Variants in SLC38A11 observed in about 807,000 individuals in gnomAD.
The protein encoded by SLC38A11 is solute carrier family 38 member 11, also known as putative sodium-coupled neutral amino acid transporter 11.
SLC38A11 carries 51 observed loss-of-function variants against 49.4 expected under a neutral mutation model. The observed-to-expected ratio is 1.03, with a 90% CI of 0.83 to 1.30. The LOEUF (loss-of-function observed/expected upper bound fraction) is 1.30, where lower values mean the gene tolerates loss of function less well. Ranked by LOEUF, SLC38A11 falls within the 50% of genes most tolerant of loss-of-function variation. The probability of loss-of-function intolerance (pLI) is 0.00; values close to 1 mark genes in which losing one functional copy is unlikely to be tolerated. For synonymous variants in SLC38A11, 203 were observed against 192.9 expected, an observed-to-expected ratio of 1.05 and a Z score of -0.43; for missense variants, 574 against 556.2, an observed-to-expected ratio of 1.03 and a Z score of -0.32.
intron 3 of SLC38A11, among the ~76,000 whole-genome samples, chr2:164,947,777 T>G (rs977805100): frequency 1.3e-5 from 2 of 152,232 alleles, no homozygotes; most frequent in Admixed American, 6.5e-5. Context: ...CTGTGGTTAC[T>G]AAGTCTATTA....
chr2:164,918,260 G>A (rs1052674883), intron 7 of SLC38A11, among the ~76,000 whole-genome samples: 4 of 151,910 alleles, frequency 2.6e-5, no homozygotes, highest in African/African-American at 4.8e-5. Context: ...TTATGACTAC[G>A]AATATTTTTT....
At chr2:164,926,559 C>T (rs1049971626) in intron 7 of SLC38A11, among the ~76,000 whole-genome samples, 6 of 151,436 alleles carry the variant, frequency 4.0e-5, no homozygotes, top group Non-Finnish European at 8.8e-5. Flanking sequence ...AAGACACATG[C>T]ACACGTATGT....
intron 2 of SLC38A11, 191 bp from the exon 3 acceptor site, chr2:164,952,972 T>A: frequency 1.9e-6 from 1 of 521,410 alleles, no homozygotes; most frequent in Non-Finnish European, 3.4e-6. Flanking sequence ...AATAAAATGT[T>A]ATTAGCTTAG....
intron 10 of SLC38A11, among the ~76,000 whole-genome samples, chr2:164,909,814 C>A (rs1479441433): frequency 6.6e-6 from 1 of 152,026 alleles, no homozygotes; most frequent in African/African-American, 2.4e-5. Context: ...AAGAAGCCAT[C>A]TCTCTAAGCT....
chr2:164,914,832 C>T (rs1245515019), intron 9 of SLC38A11, among the ~76,000 whole-genome samples: 2 of 151,740 alleles, frequency 1.3e-5, no homozygotes, highest in Non-Finnish European at 2.9e-5. Context: ...GCCACTGGTA[C>T]CTTTGAAAAT....
chr2:164,951,158 G>A (rs1410109182), intron 3 of SLC38A11, among the ~76,000 whole-genome samples: 1 of 152,052 alleles, frequency 6.6e-6, no homozygotes, highest in Non-Finnish European at 1.5e-5. Context: ...AATACGACTT[G>A]GCTTTAGTAT....
chr2:164,925,661 G>A (rs1019841003), intron 7 of SLC38A11, among the ~76,000 whole-genome samples: 7 of 152,066 alleles, frequency 4.6e-5, no homozygotes, highest in African/African-American at 1.4e-4. Context: ...AAAGAAGGTA[G>A]ACCTCTGTAT....
rs1351365035 is a variant in SLC38A11, at chr2:164,894,608, C to A, written c.*3829G>T. 3.3e-5 allele frequency among the ~76,000 whole-genome samples: 5 copies of A among 152,088 alleles called. No homozygotes were observed. Among genetic ancestry groups the A allele is most frequent in the Non-Finnish European group, 5.9e-5 (4 of 68,016 alleles). ...AATGGCAGCCATGAAACTCAGGTAA[C>A]CTTCCCTGAGTGCTGGCAGGCTCAG... On this transcript the variant is annotated 3_prime_UTR_variant, in exon 12 of 12. Coordinates refer to ENST00000685975, the MANE Select transcript of SLC38A11 (RefSeq NM_001351537.2).
At chr2:164,941,568 A>G (rs1329395569) in intron 5 of SLC38A11, among the ~76,000 whole-genome samples, 2 of 152,166 alleles carry the variant, frequency 1.3e-5, no homozygotes, top group African/African-American at 4.8e-5. Context: ...TTAAAAAGTC[A>G]TTTTTGATTA....
chr2:164,951,759 A>T (rs980789250), intron 3 of SLC38A11, among the ~76,000 whole-genome samples: 16 of 152,152 alleles, frequency 1.1e-4, no homozygotes, highest in Non-Finnish European at 2.4e-4. Flanking sequence ...AAGGGGAATG[A>T]GAGGACAGGG....
chr2:164,898,862 A>G, intron 11 of SLC38A11, 132 bp from the exon 12 acceptor site: 1 of 756,908 alleles, frequency 1.3e-6, no homozygotes, highest in Non-Finnish European at 2.1e-6. Flanking sequence ...TGAATCAAAC[A>G]AAGGGAGGAA....
Position 164,898,653 on chromosome 2 carries a change from T to C in SLC38A11, c.1173A>G (p.Thr391=), listed in dbSNP as rs113360840. 1 of 1,613,558 alleles carries C rather than the reference T, an allele frequency of 6.2e-7. No homozygotes were observed. Among genetic ancestry groups the C allele is most frequent in the Non-Finnish European group, 8.5e-7 (1 of 1,179,684 alleles). ...CACAAGACATAATCTTATCGGAGTGTGTCCTTGGTTCTTCAGACAGTTTCA... is the reference window on the plus strand; with the variant it reads ...CACAAGACATAATCTTATCGGAGTGCGTCCTTGGTTCTTCAGACAGTTTCA... ...CYLKLSEEPR[T]HSDKIMSCVM... Residue 391 remains threonine (T), a synonymous_variant, in exon 12 of 12, where the codon ACA becomes ACG. Coordinates refer to ENST00000685975, the MANE Select transcript of SLC38A11 (RefSeq NM_001351537.2).
At chr2:164,935,477 C>A in intron 7 of SLC38A11, among the ~76,000 whole-genome samples, 1 of 141,900 alleles carries the variant, frequency 7.0e-6, no homozygotes, top group South Asian at 2.2e-4. Context: ...TGAGGCTGGC[C>A]TGGGCAACAT....
chr2:164,932,941 C>T (rs1687108303), intron 7 of SLC38A11, among the ~76,000 whole-genome samples: 1 of 152,066 alleles, frequency 6.6e-6, no homozygotes. Flanking sequence ...AATATGTAGC[C>T]TTCCTCTGTC....
chr2:164,901,090 G>C (rs1050603614), intron 11 of SLC38A11, among the ~76,000 whole-genome samples: 1 of 151,940 alleles, frequency 6.6e-6, no homozygotes, highest in African/African-American at 2.4e-5. Flanking sequence ...TGGTGATCTT[G>C]TAGAAAATTA....
At chr2:164,916,080 C>T in intron 7 of SLC38A11, 107 bp from the exon 8 acceptor site, 1 of 694,672 alleles carries the variant, frequency 1.4e-6, no homozygotes, top group Non-Finnish European at 2.5e-6. Context: ...GTCTTTAAGC[C>T]AGAAATTAAT....
At chr2:164,917,043 G>C (rs1685845668) in intron 7 of SLC38A11, among the ~76,000 whole-genome samples, 1 of 152,064 alleles carries the variant, frequency 6.6e-6, no homozygotes. Context: ...CATAGCACAT[G>C]TTCAATAAAC....
At chr2:164,954,956 T>C (rs1415854223) in intron 1 of SLC38A11, among the ~76,000 whole-genome samples, 1 of 151,938 alleles carries the variant, frequency 6.6e-6, no homozygotes, top group Non-Finnish European at 1.5e-5. Flanking sequence ...CATCCTAAAA[T>C]TTCCAGATTA....
chr2:164,934,522 A>G (rs1470717031), intron 7 of SLC38A11, among the ~76,000 whole-genome samples: 1 of 152,130 alleles, frequency 6.6e-6, no homozygotes, highest in Non-Finnish European at 1.5e-5. Context: ...AGTATTTTCT[A>G]AAGTTACTCA....
Sources: allele counts gnomAD v4.1 joint callset (sites outside exome capture counted in the v4.1 genomes callset), GRCh38; gene constraint gnomAD v4.1.1; transcripts MANE v1.5; gene names NCBI Gene and HGNC (gene_info 2026-07-23, HGNC 2026-07-21).